KLRG2: variants seen among roughly 807,000 people sequenced by gnomAD.
The protein encoded by KLRG2 is killer cell lectin-like receptor subfamily G member 2.
In KLRG2, 39 loss-of-function variants were observed where a neutral mutation model predicts 35.4. The observed-to-expected ratio is 1.10, with a 90% confidence interval of 0.85 to 1.44. KLRG2 has a LOEUF of 1.44. KLRG2 is among the 40% of genes most tolerant of loss of function. KLRG2 has a pLI of 0.00. For synonymous variants in KLRG2, 283 were observed against 265.8 expected (o/e 1.06, Z -0.63); for missense variants, 632 against 570.9 (o/e 1.11, Z -1.09).
At chr7:139,433,428 C>T in the KLRG2 span, among the ~76,000 whole-genome samples, 2 of 151,988 alleles carry the variant, frequency 1.3e-5, no homozygotes, top group Non-Finnish European at 2.9e-5. Flanking sequence ...CGAGTTCAAG[C>T]GATTCTCCTG....
chr7:139,469,972 G>A (rs145319542), intron 3 of KLRG2, among the ~76,000 whole-genome samples: 1 of 152,280 alleles, frequency 6.6e-6, no homozygotes, highest in African/African-American at 2.4e-5. Flanking sequence ...TACATAAGAG[G>A]TGGACAACCA....
At chr7:139,475,530 CAA>C (rs532874176) in intron 3 of KLRG2, among the ~76,000 whole-genome samples, 16 of 136,844 alleles carry the variant, frequency 1.2e-4, no homozygotes, top group Admixed American at 1.5e-4. Flanking sequence ...GACTCTATCT[CAA>C]AAAAAAAAAA....
intron 3 of KLRG2, among the ~76,000 whole-genome samples, chr7:139,459,461 C>T (rs1200725995): frequency 6.6e-6 from 1 of 152,184 alleles, no homozygotes; most frequent in Non-Finnish European, 1.5e-5. Context: ...TTTGGTCCCA[C>T]CTACATTCCT....
intron 3 of KLRG2, among the ~76,000 whole-genome samples, chr7:139,470,265 G>A (rs955901830): frequency 6.6e-6 from 1 of 151,876 alleles, no homozygotes; most frequent in Non-Finnish European, 1.5e-5. Context: ...TCACCATGTT[G>A]GCCAGGATGG....
chr7:139,439,230 A>G, the KLRG2 span, among the ~76,000 whole-genome samples: 5 of 152,232 alleles, frequency 3.3e-5, no homozygotes, highest in East Asian at 1.9e-4. Context: ...TCATATGTGC[A>G]ACATGAATTT....
intron 3 of KLRG2, among the ~76,000 whole-genome samples, chr7:139,464,188 A>G (rs1356396140): frequency 6.6e-6 from 1 of 152,124 alleles, no homozygotes; most frequent in Admixed American, 6.6e-5. Flanking sequence ...CCACAAGGGT[A>G]GGACACCTCT....
chr7:139,432,052 TA>T, the KLRG2 span, among the ~76,000 whole-genome samples: 54,597 of 146,754 alleles, frequency 0.37, 14,275 homozygotes, highest in African/African-American at 0.75. Context: ...ATGTATGTTT[TA>T]AAAAAAAAAA....
the KLRG2 span, among the ~76,000 whole-genome samples, chr7:139,435,530 AATGTATCCCACCACTGCAATC>A: frequency 1.3e-5 from 2 of 152,146 alleles, no homozygotes; most frequent in Non-Finnish European, 2.9e-5. Flanking sequence ...TAAGTTGACA[AATGTATCCCACCACTGCAATC>A]ATGATATAGA....
intron 3 of KLRG2, among the ~76,000 whole-genome samples, chr7:139,465,846 T>C (rs970048020): frequency 2.6e-5 from 4 of 152,124 alleles, no homozygotes; most frequent in Non-Finnish European, 5.9e-5. Flanking sequence ...CTATCCCTCA[T>C]GGCAGTTTTT....
the KLRG2 span, among the ~76,000 whole-genome samples, chr7:139,430,192 C>T: frequency 3.9e-4 from 59 of 152,102 alleles, no homozygotes; most frequent in African/African-American, 1.4e-3. Flanking sequence ...CACCTGAGGT[C>T]GGGAGTTCGA....
intron 3 of KLRG2, among the ~76,000 whole-genome samples, chr7:139,474,384 A>G (rs1417163091): frequency 6.6e-6 from 1 of 152,166 alleles, no homozygotes; most frequent in Non-Finnish European, 1.5e-5. Flanking sequence ...AATTCTGGGG[A>G]AAAGCGATTT....
chr7:139,432,719 A>T, the KLRG2 span, among the ~76,000 whole-genome samples: 1 of 152,116 alleles, frequency 6.6e-6, no homozygotes, highest in Non-Finnish European at 1.5e-5. Context: ...CACATAACCT[A>T]TGCATATCAT....
At chr7:139,430,625 G>A in the KLRG2 span, among the ~76,000 whole-genome samples, 1 of 152,074 alleles carries the variant, frequency 6.6e-6, no homozygotes, top group African/African-American at 2.4e-5. Flanking sequence ...CGTACCCAAG[G>A]GAAATGAAGA....
chr7:139,437,935 C>G, the KLRG2 span, among the ~76,000 whole-genome samples: 1 of 152,228 alleles, frequency 6.6e-6, no homozygotes, highest in East Asian at 1.9e-4. Flanking sequence ...CCCACCCCTG[C>G]CCACTGAGTT....
At chr7:139,436,385 T>G in the KLRG2 span, among the ~76,000 whole-genome samples, 4 of 152,100 alleles carry the variant, frequency 2.6e-5, no homozygotes, top group Admixed American at 1.3e-4. Context: ...TTAGTCAATG[T>G]GGACGTTTCC....
At chr7:139,458,709 G>A (rs970097699) in intron 3 of KLRG2, among the ~76,000 whole-genome samples, 1 of 152,142 alleles carries the variant, frequency 6.6e-6, no homozygotes, top group South Asian at 2.1e-4. Context: ...CATCGGGCTC[G>A]AGTTCAGTGT....
intron 3 of KLRG2, among the ~76,000 whole-genome samples, chr7:139,471,987 G>C (rs376468782): frequency 1.3e-5 from 2 of 152,234 alleles, no homozygotes; most frequent in African/African-American, 4.8e-5. Flanking sequence ...CTGTTTCGGA[G>C]CTGTCACCTG....
the KLRG2 span, among the ~76,000 whole-genome samples, chr7:139,437,854 C>T: frequency 6.6e-6 from 1 of 152,222 alleles, no homozygotes; most frequent in Admixed American, 6.5e-5. Flanking sequence ...CAGTTCTTTG[C>T]CTCTCCCTGC....
At chr7:139,445,162 T>C in the KLRG2 span, among the ~76,000 whole-genome samples, 1 of 151,734 alleles carries the variant, frequency 6.6e-6, no homozygotes, top group Non-Finnish European at 1.5e-5. Context: ...CTCACTGCAA[T>C]CTCTGCCTCC....
Sources: gnomAD v4.1 joint callset for allele counts (sites outside exome capture counted in the v4.1 genomes callset) on GRCh38, gnomAD v4.1.1 for gene constraint, MANE v1.5 for transcripts, NCBI Gene and HGNC (gene_info 2026-07-23, HGNC 2026-07-21) for gene names.